RYR3: variants seen among roughly 807,000 people sequenced by gnomAD.
RYR3 encodes ryanodine receptor 3.
Under a neutral mutation model 584.3 loss-of-function variants are expected in RYR3, and 207 were observed. The observed-to-expected ratio is 0.35, with a 90% CI of 0.32 to 0.40. The LOEUF is 0.40. Ranked by LOEUF, RYR3 falls within the 10% of genes least tolerant of loss-of-function variation. The pLI is 1.00. For synonymous variants in RYR3, 2,416 were observed against 2,248.5 expected (o/e 1.07, Z -2.11); for missense variants, 5,616 against 6,089.2 (o/e 0.92, Z 2.59).
At chr15:33,437,095 T>C (rs1169877719) in intron 1 of RYR3, among the ~76,000 whole-genome samples, 2 of 148,724 alleles carry the variant, frequency 1.3e-5, no homozygotes, top group Admixed American at 6.8e-5. Flanking sequence ...TGTGTTTGAG[T>C]GTGTGTGAGA....
At chr15:33,775,452 C>T (rs1358422794) in intron 64 of RYR3, among the ~76,000 whole-genome samples, 2 of 152,090 alleles carry the variant, frequency 1.3e-5, no homozygotes, top group African/African-American at 2.4e-5. Context: ...CTAAATCAGC[C>T]GTGTGTTTAG....
chr15:33,408,376 G>A (rs970607875), intron 1 of RYR3, among the ~76,000 whole-genome samples: 2 of 152,286 alleles, frequency 1.3e-5, no homozygotes, highest in Admixed American at 6.5e-5. Flanking sequence ...TGATATGTGT[G>A]TTCCACATCA....
chr15:33,842,480 C>G (rs537161376), intron 91 of RYR3, among the ~76,000 whole-genome samples: 2 of 152,344 alleles, frequency 1.3e-5, no homozygotes, highest in South Asian at 2.1e-4. Context: ...AAGCTTAGAA[C>G]AGCTTGTAAT....
chr15:33,626,261 C>T (rs1332873471), intron 20 of RYR3, among the ~76,000 whole-genome samples: 1 of 152,108 alleles, frequency 6.6e-6, no homozygotes, highest in Non-Finnish European at 1.5e-5. Flanking sequence ...CAATAAGGTC[C>T]AGTCTGAGGT....
At chr15:33,841,654 C>T (rs951739006) in intron 90 of RYR3, 3 of 520,390 alleles carry the variant, frequency 5.8e-6, no homozygotes, top group African/African-American at 5.7e-5. Flanking sequence ...TTGTATATAG[C>T]TGATGTTCAC....
chr15:33,670,423 T>A lies in RYR3; in HGVS notation c.5727T>A (p.Val1909=). 1 of 1,613,642 alleles carries A rather than the reference T, an allele frequency of 6.2e-7. No homozygotes were observed. The highest frequency in any genetic ancestry group is 8.5e-7 in the Non-Finnish European group (1 of 1,179,762). ...CCCTGTTCTGTGGCTTGCTAGGGGT[T>A]CCTTTGGAAGAAGAGGAAGAGGAGG... is the stretch of plus-strand genomic sequence containing the variant. ...FHEDLLLHCG[V]PLEEEEEEEE... Residue 1909 remains valine (V), a synonymous_variant, in exon 38 of 104, where the codon GTT becomes GTA. Transcript: ENST00000634891.
intron 19 of RYR3, among the ~76,000 whole-genome samples, chr15:33,617,147 G>T (rs140501123): frequency 6.6e-6 from 1 of 152,184 alleles, no homozygotes; most frequent in Non-Finnish European, 1.5e-5. Context: ...GGGCGTGGTG[G>T]CTCACGCCCG....
intron 38 of RYR3, among the ~76,000 whole-genome samples, chr15:33,675,682 A>G (rs1393114640): frequency 6.6e-6 from 1 of 152,236 alleles, no homozygotes; most frequent in African/African-American, 2.4e-5. Context: ...TGATATAAGC[A>G]TTACATTAGT....
chr15:33,722,394 G>T (rs2068001983), intron 43 of RYR3: 1 of 335,228 alleles, frequency 3.0e-6, no homozygotes, highest in East Asian at 7.8e-5. Flanking sequence ...GCTCTGTAAT[G>T]GTGGATCTTA....
chr15:33,499,983 A>C (rs1475651348), intron 2 of RYR3, among the ~76,000 whole-genome samples: 1 of 152,170 alleles, frequency 6.6e-6, no homozygotes, highest in Non-Finnish European at 1.5e-5. Flanking sequence ...AGACTTGAGG[A>C]GTCATTGCAA....
intron 67 of RYR3, among the ~76,000 whole-genome samples, chr15:33,791,353 CTG>C (rs2075142073): frequency 2.0e-5 from 2 of 102,218 alleles, no homozygotes; most frequent in Admixed American, 1.8e-4. Flanking sequence ...AGGGCAGAGA[CTG>C]TGTGTGACAC....
At chr15:33,729,988 G>A (rs2068805411) in intron 47 of RYR3, among the ~76,000 whole-genome samples, 1 of 152,026 alleles carries the variant, frequency 6.6e-6, no homozygotes, top group South Asian at 2.1e-4. Flanking sequence ...TGTGTGGTAT[G>A]GTGATGATAA....
chr15:33,616,028 A>G (rs2060431062), intron 19 of RYR3, among the ~76,000 whole-genome samples: 1 of 152,176 alleles, frequency 6.6e-6, no homozygotes, highest in African/African-American at 2.4e-5. Flanking sequence ...AGTTCCCGGG[A>G]CTGCATTTGC....
intron 1 of RYR3, among the ~76,000 whole-genome samples, chr15:33,401,808 A>G (rs917876268): frequency 3.3e-5 from 5 of 152,142 alleles, no homozygotes; most frequent in African/African-American, 1.2e-4. Flanking sequence ...CTTTTTCTCA[A>G]ATCTGTACCT....
At chr15:33,569,539 T>A (rs1432336337) in intron 12 of RYR3, among the ~76,000 whole-genome samples, 1 of 152,212 alleles carries the variant, frequency 6.6e-6, no homozygotes, top group Non-Finnish European at 1.5e-5. Flanking sequence ...GCAAAATATC[T>A]TCAAGGTTTG....
At chr15:33,727,481 A>C (rs2068564096) in intron 46 of RYR3, among the ~76,000 whole-genome samples, 1 of 152,180 alleles carries the variant, frequency 6.6e-6, no homozygotes, top group Non-Finnish European at 1.5e-5. Flanking sequence ...AGCACAGTAA[A>C]ATGATTACAT....
intron 5 of RYR3, among the ~76,000 whole-genome samples, chr15:33,535,685 C>T (rs2055266134): frequency 6.6e-6 from 1 of 152,090 alleles, no homozygotes; most frequent in Admixed American, 6.5e-5. Context: ...TTGAGAAACA[C>T]CGCTTTTTAG....
At chr15:33,548,548 G>A (rs2056425979) in intron 9 of RYR3, among the ~76,000 whole-genome samples, 1 of 152,226 alleles carries the variant, frequency 6.6e-6, no homozygotes, top group African/African-American at 2.4e-5. Flanking sequence ...TCTCCTCTCA[G>A]TAGCTTTGTT....
rs1302984236 is a variant in RYR3, at chr15:33,848,351, C to G, written c.13558C>G (p.Leu4520Val). ...CGCCAGGAAGCTGGAGTTTGATGGC[C>G]TATATATCACCGAACAGCCATCTGA... ...EIARKLEFDGLYITEQPSEDD... is the reference protein window; with the variant it reads ...EIARKLEFDGVYITEQPSEDD... The change falls in exon 94 of 104, where the codon CTA (leucine) becomes GTA (valine). Residue 4520 changes from leucine (L) to valine (V), a missense_variant. This residue lies in a region of RYR3 where 918 missense variants were observed against 887.4 expected (regional missense o/e 1.03). Transcript: ENST00000634891. The G allele has an allele frequency of 5.6e-6, 9 of 1,613,754 alleles. No homozygotes were observed. Among genetic ancestry groups the G allele is most frequent in the Non-Finnish European group, 6.8e-6 (8 of 1,179,882 alleles).
Sources: allele counts gnomAD v4.1 joint callset (sites outside exome capture counted in the v4.1 genomes callset), GRCh38; gene constraint gnomAD v4.1.1; regional missense constraint gnomAD v4.1.1; transcripts MANE v1.5; gene names NCBI Gene and HGNC (gene_info 2026-07-23, HGNC 2026-07-21).